The following TG variants were observed in gnomAD, a reference collection of about 807,000 sequenced individuals.
TG encodes the protein thyroglobulin, also known as thyroid hormones.
A neutral mutation model predicts 324.7 loss-of-function variants in TG; 270 were observed. That is an observed-to-expected ratio of 0.83 (90% CI 0.75 to 0.92). TG has a LOEUF of 0.92. Among genes scored for constraint, TG ranks in the 40% least tolerant of loss-of-function variants. TG has a pLI of 0.00. For synonymous variants in TG, 1,401 were observed against 1,327.0 expected (o/e 1.06, Z -1.21); for missense variants, 3,591 against 3,456.4 (o/e 1.04, Z -0.98).
intron 36 of TG, among the ~76,000 whole-genome samples, chr8:133,013,072 G>A (rs1013809603): frequency 1.4e-4 from 21 of 152,160 alleles, no homozygotes; most frequent in Non-Finnish European, 1.2e-4. Context: ...AAGTGCATGG[G>A]GAGCCATGGA....
At chr8:133,050,858 G>T in intron 41 of TG, 9 of 1,613,934 alleles carry the variant, frequency 5.6e-6, no homozygotes, top group Non-Finnish European at 7.6e-6. Flanking sequence ...GAATATCGGG[G>T]GGCTGATGTC....
intron 28 of TG, among the ~76,000 whole-genome samples, chr8:132,962,046 A>C (rs555946947): frequency 1.3e-5 from 2 of 152,120 alleles, no homozygotes; most frequent in Non-Finnish European, 2.9e-5. Context: ...GCAATAATAC[A>C]TCAATGCACA....
At chr8:132,986,741 A>G (rs1587689973) in intron 35 of TG, among the ~76,000 whole-genome samples, 1 of 152,206 alleles carries the variant, frequency 6.6e-6, no homozygotes, top group Non-Finnish European at 1.5e-5. Flanking sequence ...AAGATTGACC[A>G]AAGCGGAATT....
At chr8:133,048,077 A>G in intron 41 of TG, 1 of 594,414 alleles carries the variant, frequency 1.7e-6, no homozygotes, top group Non-Finnish European at 3.0e-6. Context: ...TCTCTTCCAC[A>G]GATGAGAATA....
chr8:133,081,135 G>C (rs1845681110), intron 41 of TG, among the ~76,000 whole-genome samples: 1 of 152,230 alleles, frequency 6.6e-6, no homozygotes, highest in Non-Finnish European at 1.5e-5. Context: ...CTGGTCTCCT[G>C]GTCTAGCGCA....
In TG at chr8:132,933,574, C is replaced by T. The variant is rs780419310; in HGVS notation, c.4830C>T (p.Asp1610=). Reference sequence around the variant, plus strand: ...TGGTGCTTGCAGATTGCACAGAGGACGAGGCCTGCAGCTTCTTCACCGTGT... The same window carrying T: ...TGGTGCTTGCAGATTGCACAGAGGATGAGGCCTGCAGCTTCTTCACCGTGT... ...VMQCLTDCTE[D]EACSFFTVST... The change falls in exon 24 of 48, where the codon GAC becomes GAT. Residue 1610 remains aspartate (D), a synonymous_variant. Transcript: ENST00000220616. The T allele has an allele frequency of 4.3e-5, 69 of 1,613,804 alleles. No individual in the cohort carries two copies. The highest frequency in any genetic ancestry group is 1.8e-4 in the South Asian group (16 of 91,066).
At chr8:133,113,762 C>A (rs764622057) in intron 44 of TG, 159 bp downstream of exon 44, 1 of 863,520 alleles carries the variant, frequency 1.2e-6, no homozygotes, top group Non-Finnish European at 1.8e-6. Flanking sequence ...AGTGTCCCTG[C>A]TGAGGGGAAG....
At chr8:132,929,229 GTGTGGAAATAAGCTCTGC>G in intron 23 of TG, 37 bp downstream of exon 23, 1 of 1,522,092 alleles carries the variant, frequency 6.6e-7, no homozygotes, top group Non-Finnish European at 9.1e-7. Flanking sequence ...TCAGAAGAAG[GTGTGGAAATAAGCTCTGC>G]TGAGAGTTGT....
chr8:133,090,535 C>T (rs887832310), intron 41 of TG, among the ~76,000 whole-genome samples: 24 of 152,208 alleles, frequency 1.6e-4, no homozygotes, highest in African/African-American at 5.1e-4. Flanking sequence ...AGTCAGACAG[C>T]GCAAGGGACT....
At chr8:132,952,935 C>T (rs148149336) in intron 27 of TG, among the ~76,000 whole-genome samples, 6 of 152,334 alleles carry the variant, frequency 3.9e-5, no homozygotes, top group South Asian at 2.1e-4. Flanking sequence ...TCCTGGCTGC[C>T]GCCTTCTGCT....
intron 41 of TG, among the ~76,000 whole-genome samples, chr8:133,059,729 G>A (rs1842091066): frequency 6.6e-6 from 1 of 152,176 alleles, no homozygotes; most frequent in African/African-American, 2.4e-5. Context: ...GTAAACAGGA[G>A]TCTAGGTTTC....
chr8:133,117,043 T>C (rs1850755010), intron 45 of TG, among the ~76,000 whole-genome samples: 2 of 152,206 alleles, frequency 1.3e-5, no homozygotes, highest in African/African-American at 4.8e-5. Context: ...GCTTAAGACA[T>C]TGACTTTCCA....
At chr8:132,973,438 T>C (rs1055205257) in intron 34 of TG, among the ~76,000 whole-genome samples, 9 of 151,962 alleles carry the variant, frequency 5.9e-5, no homozygotes, top group African/African-American at 2.2e-4. Flanking sequence ...TGGCACGTTT[T>C]AGGAGCTCAA....
At chr8:132,868,047 G>A (rs1839132495) in intron 1 of TG, 68 bp from the exon 2 acceptor site, 4 of 1,406,034 alleles carry the variant, frequency 2.8e-6, no homozygotes, top group Non-Finnish European at 4.0e-6. Context: ...CTGTGCTTAT[G>A]AGAGCCCGTC....
intron 34 of TG, among the ~76,000 whole-genome samples, chr8:132,979,562 C>G (rs199730987): frequency 1.3e-5 from 2 of 152,084 alleles, no homozygotes; most frequent in Non-Finnish European, 2.9e-5. Context: ...TAACCTTTTA[C>G]TAAGCATAAA....
At chr8:133,094,242 C>CTT (rs765931953) in intron 41 of TG, among the ~76,000 whole-genome samples, 24,064 of 126,310 alleles carry the variant, frequency 0.19, 2,337 homozygotes, top group Non-Finnish European at 0.25. Context: ...CTGTCGTTTT[C>CTT]TTTTTTTTTT....
rs1222206851 is a variant in TG, at chr8:132,967,805, G to A, written c.5698G>A (p.Glu1900Lys). Residue 1900 changes from glutamate (E) to lysine (K), a missense_variant, in exon 31 of 48, where the codon GAG (glutamate) becomes AAG (lysine). By Grantham distance (56) the Glu-to-Lys change is moderately conservative. Coordinates refer to ENST00000220616, the MANE Select transcript of TG (RefSeq NM_003235.5). The stretch of plus-strand genomic sequence containing the variant: ...TCTCTTGCCTGTAGGTTGTGTGCAG[G>A]AGCACTCTTTCTGTCAGCTCGCAGA... ...NLWCLSRCVQ[E>K]HSFCQLAEIT... is the part of the protein sequence containing the mutation. 1.2e-6 allele frequency: 2 copies of A among 1,613,664 alleles called. No homozygotes were observed. The highest frequency in any genetic ancestry group is 3.3e-5 in the Admixed American group (2 of 59,988).
chr8:133,113,691 A>T, intron 44 of TG, 88 bp downstream of exon 44: 1 of 1,461,780 alleles, frequency 6.8e-7, no homozygotes, highest in Non-Finnish European at 9.4e-7. Flanking sequence ...TGAGAAATAA[A>T]GGCACGTGGC....
chr8:132,884,129 C>G (rs958499994), intron 8 of TG, among the ~76,000 whole-genome samples: 1 of 152,188 alleles, frequency 6.6e-6, no homozygotes, highest in African/African-American at 2.4e-5. Flanking sequence ...GGTTAAGGCT[C>G]CACTTGATCC....
Sources: gnomAD v4.1 joint callset for allele counts (sites outside exome capture counted in the v4.1 genomes callset) on GRCh38, gnomAD v4.1.1 for gene constraint, MANE v1.5 for transcripts, NCBI Gene and HGNC (gene_info 2026-07-23, HGNC 2026-07-21) for gene names.